HTR1D: variants seen among roughly 807,000 people sequenced by gnomAD.
HTR1D encodes the protein 5-hydroxytryptamine receptor 1D.
A neutral mutation model predicts 21.1 loss-of-function variants in HTR1D; 18 were observed. The ratio of observed to expected loss-of-function variants is 0.85; its 90% CI spans 0.59 to 1.27. The LOEUF (loss-of-function observed/expected upper bound fraction) is 1.27, where lower values mean the gene tolerates loss of function less well. Ranked by LOEUF, HTR1D falls within the 50% of genes most tolerant of loss-of-function variation. The pLI is 0.00. For synonymous variants in HTR1D, 196 were observed against 204.4 expected (o/e 0.96, Z 0.35); for missense variants, 456 against 481.4 (o/e 0.95, Z 0.49).
rs538344333 is a variant in HTR1D, at chr1:23,194,341, G to C, written c.-122C>G. 8.6e-5 allele frequency: 70 copies of C among 813,738 alleles called. No individual in the cohort carries two copies. In the African/African-American group the frequency reaches 1.0e-3, roughly 12 times the overall value. The allele number at this position is 813,738 out of a possible 1,614,324, so 50.4% of individuals were successfully genotyped here. Reference sequence around the variant, plus strand: ...CTGGTGGGAGCCGTACACCAGAACAGACCACAGTGAAAAGGTCTCAAGACC... The same window carrying C: ...CTGGTGGGAGCCGTACACCAGAACACACCACAGTGAAAAGGTCTCAAGACC... On this transcript the variant is annotated 5_prime_UTR_variant, in exon 2 of 2. Coordinates refer to ENST00000374619, the MANE Select transcript of HTR1D (RefSeq NM_000864.5).
intron 1 of HTR1D, among the ~76,000 whole-genome samples, chr1:23,199,739 C>T (rs1644703029): frequency 6.6e-6 from 1 of 152,096 alleles, no homozygotes; most frequent in Non-Finnish European, 1.5e-5. Context: ...GAGTCTTCCT[C>T]TGTCACCCAG....
At position 23,215,569 on chromosome 1, in the gene HTR1D, G is replaced by C. The variant is rs561700604; in HGVS notation, c.-783+1722C>G. 1.3e-4 allele frequency among the ~76,000 whole-genome samples: 20 copies of C among 152,350 alleles called. No homozygotes were observed. In the South Asian group the frequency reaches 4.1e-3, roughly 32 times the overall value. ...CTCAGGTCTGGGAACTCCATACTCT[G>C]AGAATCTGTATTTCTGCTCACATTC... On this transcript the variant is annotated intron_variant, in intron 1 of 1. Coordinates refer to ENST00000374619, the MANE Select transcript of HTR1D (RefSeq NM_000864.5).
In HTR1D at chr1:23,192,984, C is replaced by T. The variant is rs623988; in HGVS notation, c.*102G>A. ...GTTGATTGAACCAAGACTCAAGATA[C>T]CATGAATTAATCCAAGTCTCAGAAA... On this transcript the variant is annotated 3_prime_UTR_variant, in exon 2 of 2. Transcript: ENST00000374619. 0.37 allele frequency: 240,071 copies of T among 643,658 alleles called. 42,660 individuals carry two copies. Among genetic ancestry groups the T allele is most frequent in the African/African-American group, 0.5 (24,063 of 48,086 alleles). The allele number at this position is 643,658 out of a possible 1,614,324, so 39.9% of individuals were successfully genotyped here. A position where few individuals can be genotyped will look rare whatever the true frequency, so the allele number is the denominator to read the frequency against.
intron 1 of HTR1D, among the ~76,000 whole-genome samples, chr1:23,211,441 C>G (rs1480480463): frequency 6.6e-6 from 1 of 152,110 alleles, no homozygotes; most frequent in Non-Finnish European, 1.5e-5. Flanking sequence ...GGCTTTGAAG[C>G]TGAGCGTGGG....
rs568264560 is a variant in HTR1D, at chr1:23,198,796, A to G, written c.-782-3795T>C. ...TAGGGAGATAAATATATGTGGCAAA[A>G]CCATAAGGAAAAGCAAAGAAATTAT... On this transcript the variant is annotated intron_variant, in intron 1 of 1. Transcript: ENST00000374619. Among the ~76,000 whole-genome samples, 6 of 152,370 alleles carry G rather than the reference A, an allele frequency of 3.9e-5. No homozygotes were observed. In the South Asian group the frequency reaches 1.2e-3, roughly 32 times the overall value.
chr1:23,208,200 G>A (rs1032327264), intron 1 of HTR1D, among the ~76,000 whole-genome samples: 1 of 152,196 alleles, frequency 6.6e-6, no homozygotes, highest in Non-Finnish European at 1.5e-5. Flanking sequence ...AGATGGAGGT[G>A]GGCAGATTGC....
Position 23,207,700 on chromosome 1 carries a change from C to T in HTR1D, c.-783+9591G>A, listed in dbSNP as rs568067498. On this transcript the variant is annotated intron_variant, in intron 1 of 1. Transcript: ENST00000374619. ...AGCCTTGCACTGGATCTCTACAAGT[C>T]TTCAACAGGCAAGAGACCACCTCAA... 2.6e-5 allele frequency among the ~76,000 whole-genome samples: 4 copies of T among 151,796 alleles called. No individual in the cohort carries two copies. In the South Asian group the frequency reaches 8.3e-4, roughly 31 times the overall value.
Position 23,193,438 on chromosome 1 carries a change from T to C in HTR1D, c.782A>G (p.His261Arg), listed in dbSNP as rs367991997. 5 of 1,614,056 alleles carry C rather than the reference T, an allele frequency of 3.1e-6. No individual in the cohort carries two copies. The highest frequency in any genetic ancestry group is 4.2e-6 in the Non-Finnish European group (5 of 1,180,034). The change falls in exon 2 of 2, where the codon CAT becomes CGT. Residue 261 changes from histidine (H) to arginine (R), a missense_variant. By Grantham distance (29) the His-to-Arg change is conservative (BLOSUM62 0). Coordinates refer to ENST00000374619, the MANE Select transcript of HTR1D (RefSeq NM_000864.5). ...SSLCSLNSSLHEGHSHSAGSP... is the reference protein window; with the variant it reads ...SSLCSLNSSLREGHSHSAGSP... ...GCCAGCCGAGTGCGAGTGCCCCTCA[T>C]GGAGGCTGGAGTTGAGCGAGCAGAG...
chr1:23,194,190 G>A lies in HTR1D; in HGVS notation c.30C>T (p.Gly10=), dbSNP rs1175941518. ...ATCTGTTGGAGGCCTCCTGGGGAAG[G>A]CCTTCTGCTGACTGGTTCAGTGGGG... MSPLNQSAE[G]LPQEASNRSL... is the part of the protein sequence containing the mutation. The change falls in exon 2 of 2, where the codon GGC becomes GGT. Residue 10 remains glycine (G), a synonymous_variant. Coordinates refer to ENST00000374619, the MANE Select transcript of HTR1D (RefSeq NM_000864.5). 5.6e-6 allele frequency: 9 copies of A among 1,613,760 alleles called. No homozygotes were observed. Among genetic ancestry groups the A allele is most frequent in the Non-Finnish European group, 7.6e-6 (9 of 1,179,914 alleles).
intron 1 of HTR1D, among the ~76,000 whole-genome samples, chr1:23,200,006 G>A (rs1644703963): frequency 6.6e-6 from 1 of 152,064 alleles, no homozygotes; most frequent in Non-Finnish European, 1.5e-5. Context: ...GTGCTCGGTA[G>A]TATATGTAAT....
chr1:23,216,925 C>T (rs993477011), intron 1 of HTR1D, among the ~76,000 whole-genome samples: 4 of 152,202 alleles, frequency 2.6e-5, no homozygotes, highest in East Asian at 1.9e-4. Flanking sequence ...GGGGCAGCGC[C>T]CGGCTTCCCT....
At chr1:23,198,230 G>GA (rs1481147361) in intron 1 of HTR1D, among the ~76,000 whole-genome samples, 15 of 151,076 alleles carry the variant, frequency 9.9e-5, no homozygotes, top group African/African-American at 3.6e-4. Context: ...GCCGGGCACA[G>GA]TGGTGGGCGC....
At chr1:23,211,633 G>A (rs1232933996) in intron 1 of HTR1D, among the ~76,000 whole-genome samples, 1 of 151,034 alleles carries the variant, frequency 6.6e-6, no homozygotes, top group Non-Finnish European at 1.5e-5. Flanking sequence ...ATGTATGTAT[G>A]TATGTATGTA....
Position 23,193,428 on chromosome 1 carries a change from G to A in HTR1D, c.792C>T (p.His264=), listed in dbSNP as rs747373209. 6.2e-7 allele frequency: 1 copy of A among 1,614,230 alleles called. No individual in the cohort carries two copies. Among genetic ancestry groups the A allele is most frequent in the Non-Finnish European group, 8.5e-7 (1 of 1,180,048 alleles). ...CSLNSSLHEG[H]SHSAGSPLFF... ...AGAGAGGGGAGCCAGCCGAGTGCGA[G>A]TGCCCCTCATGGAGGCTGGAGTTGA... The change falls in exon 2 of 2, where the codon CAC becomes CAT. Residue 264 remains histidine, a synonymous_variant. Transcript: ENST00000374619.
At chr1:23,203,861 G>A (rs554410779) in intron 1 of HTR1D, among the ~76,000 whole-genome samples, 6 of 152,122 alleles carry the variant, frequency 3.9e-5, no homozygotes, top group African/African-American at 7.2e-5. Flanking sequence ...ACAGTAGAAC[G>A]GGGCCAGGCA....
intron 1 of HTR1D, among the ~76,000 whole-genome samples, chr1:23,211,208 T>C (rs1412869226): frequency 6.6e-6 from 1 of 152,196 alleles, no homozygotes; most frequent in Non-Finnish European, 1.5e-5. Context: ...CTCTGTTTCC[T>C]CATCTATTCA....
chr1:23,205,191 A>G (rs868460152), intron 1 of HTR1D, among the ~76,000 whole-genome samples: 1 of 143,412 alleles, frequency 7.0e-6, no homozygotes, highest in Admixed American at 6.9e-5. Context: ...GAACTAAACA[A>G]TGAGGATGCA....
intron 1 of HTR1D, among the ~76,000 whole-genome samples, chr1:23,216,955 G>C (rs778334692): frequency 2.6e-5 from 4 of 152,096 alleles, no homozygotes; most frequent in African/African-American, 4.8e-5. Flanking sequence ...GGGCCCCTCG[G>C]GGGGCGTCGC....
At chr1:23,196,825 T>G (rs1018956953) in intron 1 of HTR1D, among the ~76,000 whole-genome samples, 82 of 152,142 alleles carry the variant, frequency 5.4e-4, no homozygotes, top group African/African-American at 1.9e-3. Flanking sequence ...CTCAAGAAAT[T>G]TCTACCCTTG....
Sources: allele counts gnomAD v4.1 joint callset (sites outside exome capture counted in the v4.1 genomes callset), GRCh38; gene constraint gnomAD v4.1.1; transcripts MANE v1.5; gene names NCBI Gene and HGNC (gene_info 2026-07-23, HGNC 2026-07-21).